The following NOS3 variants were observed in gnomAD, a reference collection of about 807,000 sequenced individuals.
The protein encoded by NOS3 is nitric oxide synthase 3, also known as NOS type III.
Under a neutral mutation model 144.9 loss-of-function variants are expected in NOS3, and 98 were observed. That is an observed-to-expected ratio of 0.68 (90% confidence interval 0.57 to 0.80). The LOEUF is 0.80. Among genes scored for constraint, NOS3 ranks in the 30% least tolerant of loss-of-function variants. The probability of loss-of-function intolerance (pLI) is 0.00; values close to 1 mark genes in which losing one functional copy is unlikely to be tolerated. For synonymous variants in NOS3, 714 were observed against 702.4 expected (o/e 1.02, Z -0.26); for missense variants, 1,465 against 1,656.4 (o/e 0.88, Z 2.01).
chr7:151,013,974 T>G, intron 26 of NOS3, 34 bp from the exon 27 acceptor site: 1 of 1,607,832 alleles, frequency 6.2e-7, no homozygotes. Flanking sequence ...GGTCTCCGAG[T>G]CGGGTTCTGA....
At position 151,010,258 on chromosome 7, in the gene NOS3, G is replaced by A. The variant is rs1795276026; in HGVS notation, c.2656G>A (p.Glu886Lys). The A allele has an allele frequency of 1.2e-6, 2 of 1,612,888 alleles. No individual in the cohort carries two copies. The highest frequency in any genetic ancestry group is 1.7e-6 in the Non-Finnish European group (2 of 1,179,914). ...LLSTLAEEPREQQELEALSQD... is the reference protein window; with the variant it reads ...LLSTLAEEPRKQQELEALSQD... The stretch of plus-strand genomic sequence containing the variant: ...CAGCACCTTGGCAGAAGAGCCCAGG[G>A]AACAGCAGGAGCTGGAGGCCCTCAG... The change falls in exon 21 of 27, where the codon GAA (glutamate) becomes AAA (lysine). Residue 886 changes from glutamate (E) to lysine (K), a missense_variant. This residue lies in a region of NOS3 where 745 missense variants were observed against 853.9 expected (regional missense o/e 0.87). Transcript: ENST00000297494.
At position 151,014,350 on chromosome 7, in the gene NOS3, G is replaced by A; in HGVS notation, c.*181G>A. Reference sequence around the variant, plus strand: ...CAAAACGCCTCTTTTCCCTCTCTAGGCCTGTTGCCTCGGGCCTGGGTCCGC... The same window carrying A: ...CAAAACGCCTCTTTTCCCTCTCTAGACCTGTTGCCTCGGGCCTGGGTCCGC... On this transcript the variant is annotated 3_prime_UTR_variant, in exon 27 of 27. Transcript: ENST00000297494. 1 of 682,726 alleles carries A rather than the reference G, an allele frequency of 1.5e-6. No homozygotes were observed. The highest frequency in any genetic ancestry group is 2.9e-5 in the East Asian group (1 of 34,930). The allele number at this position is 682,726 out of a possible 1,614,324, so 42.3% of individuals were successfully genotyped here.
At position 150,995,302 on chromosome 7, in the gene NOS3, C is replaced by G; in HGVS notation, c.258C>G (p.Ala86=). 2.5e-6 allele frequency: 4 copies of G among 1,610,344 alleles called. No individual in the cohort carries two copies. The highest frequency in any genetic ancestry group is 3.4e-6 in the Non-Finnish European group (4 of 1,178,162). The change falls in exon 3 of 27, where the codon GCC becomes GCG. Residue 86 remains alanine, a synonymous_variant. Coordinates refer to ENST00000297494, the MANE Select transcript of NOS3 (RefSeq NM_000603.5). ...GCATCACCTATGACACCCTCAGCGCCCAGGCGCAGCAGGTAAGGCCGGCAT... is the reference window on the plus strand; with the variant it reads ...GCATCACCTATGACACCCTCAGCGCGCAGGCGCAGCAGGTAAGGCCGGCAT... ...VGSITYDTLS[A]QAQQDGPCTP...
In NOS3 at chr7:151,002,255, T is replaced by C. The variant is rs1795122563; in HGVS notation, c.1703T>C (p.Leu568Pro). Residue 568 changes from leucine to proline, a missense_variant, in exon 14 of 27, where the codon CTG (leucine) becomes CCG (proline). Transcript: ENST00000297494. This position sits in a 1 kb window ranked among gnomAD's most constrained non-coding sequence, Gnocchi z 4.1. ...VVSLEHETLV[L>P]VVTSTFGNGD... ...TCCCTCGAACACGAGACGCTGGTGC[T>C]GGTGGTAACCAGCACATTTGGGAAT... The C allele has an allele frequency of 6.2e-7, 1 of 1,601,782 alleles. No individual in the cohort carries two copies. Among genetic ancestry groups the C allele is most frequent in the Non-Finnish European group, 8.5e-7 (1 of 1,174,278 alleles).
Position 151,010,029 on chromosome 7 carries a change from T to C in NOS3, c.2513-86T>C, listed in dbSNP as rs3730009. The C allele has an allele frequency of 0.016, 14,162 of 872,498 alleles. 1,333 individuals carry two copies. The African/African-American group carries it at 0.2, about 13-fold the overall frequency. The allele number at this position is 872,498 out of a possible 1,614,324, so 54.0% of individuals were successfully genotyped here. On this transcript the variant is annotated intron_variant, in intron 20 of 26. Transcript: ENST00000297494. ...CCCCGCTGCTCAAGGGCAGGCTCTC[T>C]AACAGTCACCAAAACACAAACATCA...
chr7:151,001,211 C>G lies in NOS3; in HGVS notation c.1234-20C>G. On this transcript the variant is annotated intron_variant, in intron 10 of 26. Transcript: ENST00000297494. The stretch of plus-strand genomic sequence containing the variant: ...TCTGTGGGTCTGGTTTGAGCCTCTC[C>G]CCCTCTCTCTCCCTTCCAGCTAGCC... 3 of 1,610,454 alleles carry G rather than the reference C, an allele frequency of 1.9e-6. No individual in the cohort carries two copies. Among genetic ancestry groups the G allele is most frequent in the Non-Finnish European group, 2.5e-6 (3 of 1,179,584 alleles).
At chr7:151,004,005 A>G (rs908553297) in intron 14 of NOS3, 11 of 275,760 alleles carry the variant, frequency 4.0e-5, no homozygotes, top group Admixed American at 5.1e-5. Flanking sequence ...GGTAGGTCAT[A>G]GGGTAGATGC....
rs542198075 is a variant in NOS3 at position 150,993,430 on chromosome 7, C to T, written c.-51-323C>T. Among the ~76,000 whole-genome samples, 5 of 152,186 alleles carry T rather than the reference C, an allele frequency of 3.3e-5. No individual in the cohort carries two copies. The highest frequency in any genetic ancestry group is 4.1e-4 in the South Asian group (2 of 4,836). On this transcript the variant is annotated intron_variant, in intron 1 of 26. Transcript: ENST00000297494. The surrounding 1 kb of genome is among the most constrained non-coding windows in gnomAD (Gnocchi z 4.0). ...ACAGGGGTGAGGCCGAAGGCCCTTC[C>T]GTCTGGTGCCACATCACAGAAGGAC... is the stretch of plus-strand genomic sequence containing the variant.
intron 10 of NOS3, 143 bp downstream of exon 10, chr7:151,000,742 C>T (rs1449956446): frequency 1.7e-5 from 11 of 646,628 alleles, no homozygotes; most frequent in Non-Finnish European, 2.2e-5. Context: ...AGTGCCATGG[C>T]GCACACTGGC....
chr7:150,992,021 C>T (rs558920960), intron 1 of NOS3, among the ~76,000 whole-genome samples: 10 of 151,348 alleles, frequency 6.6e-5, no homozygotes, highest in Non-Finnish European at 1.0e-4. Context: ...ATTAGCCAGG[C>T]GTGGTGGTGG....
rs1484339480 is a variant in NOS3, at chr7:151,003,663, T to A, written c.1752+1359T>A. 2.8e-6 allele frequency: 2 copies of A among 716,706 alleles called. No individual in the cohort carries two copies. Among genetic ancestry groups the A allele is most frequent in the African/African-American group, 3.7e-5 (2 of 54,258 alleles). 44.4% of individuals were successfully genotyped at this position (716,706 alleles called of 1,614,324 possible). On this transcript the variant is annotated intron_variant, in intron 14 of 26. Coordinates refer to ENST00000297494, the MANE Select transcript of NOS3 (RefSeq NM_000603.5). The surrounding 1 kb of genome is among the most constrained non-coding windows in gnomAD (Gnocchi z 4.1). ...CACGTGAATCCCTTCCCAGTCTGTC[T>A]CCCTGCCAGAAGTGTCTGTCACCAC...
intron 5 of NOS3, 49 bp downstream of exon 5, chr7:150,996,974 CG>C: frequency 6.6e-7 from 1 of 1,518,950 alleles, no homozygotes; most frequent in Non-Finnish European, 8.8e-7. Context: ...AAAAGGGGAG[CG>C]GGGTGGCGGG....
chr7:150,994,422 GGA>G (rs1802322205), intron 2 of NOS3, among the ~76,000 whole-genome samples: 1 of 152,322 alleles, frequency 6.6e-6, no homozygotes, highest in African/African-American at 2.4e-5. Context: ...CCCAGAAGAG[GGA>G]GAGAGTTGGG....
In NOS3 at chr7:151,002,029, T is replaced by C; in HGVS notation, c.1647+64T>C. The C allele has an allele frequency of 6.3e-7, 1 of 1,581,658 alleles. No individual in the cohort carries two copies. The highest frequency in any genetic ancestry group is 8.7e-7 in the Non-Finnish European group (1 of 1,155,512). ...GGGGCTCTATCAGCATCTTCAGGGG[T>C]GCCCTGGAGGACAGGAAGTGTTACA... is the stretch of plus-strand genomic sequence containing the variant. On this transcript the variant is annotated intron_variant, in intron 13 of 26. Coordinates refer to ENST00000297494, the MANE Select transcript of NOS3 (RefSeq NM_000603.5). This position sits in a 1 kb window ranked among gnomAD's most constrained non-coding sequence, Gnocchi z 4.1.
rs1479999407 is a variant in NOS3, at chr7:150,993,132, TG to T, written c.-51-616del. The stretch of plus-strand genomic sequence containing the variant: ...GTCCCCCACTTGAGTCATGGGGGTG[TG>T]GGGGTTCCAGGAAATTGGGGCTGGG... On this transcript the variant is annotated intron_variant, in intron 1 of 26. Coordinates refer to ENST00000297494, the MANE Select transcript of NOS3 (RefSeq NM_000603.5). This position sits in a 1 kb window ranked among gnomAD's most constrained non-coding sequence, Gnocchi z 4.0. Among the ~76,000 whole-genome samples, 3 of 152,084 alleles carry T rather than the reference TG, an allele frequency of 2.0e-5. No homozygotes were observed. Among genetic ancestry groups the T allele is most frequent in the East Asian group, 1.9e-4 (1 of 5,180 alleles).
At chr7:151,012,227 T>G (rs866840487) in intron 23 of NOS3, 124 bp from the exon 24 acceptor site, 20 of 902,370 alleles carry the variant, frequency 2.2e-5, no homozygotes, top group Non-Finnish European at 2.8e-5. Flanking sequence ...TGTTTTTTGT[T>G]TTTTTTTTAA....
Position 151,009,074 on chromosome 7 carries a change from C to A in NOS3, c.2245+12C>A. ...GCAGTTGCTGCCAGGTGGGCCCTGCCCTCACCCTAACCCGGCTGGTTCTCT... is the reference window on the plus strand; with the variant it reads ...GCAGTTGCTGCCAGGTGGGCCCTGCACTCACCCTAACCCGGCTGGTTCTCT... On this transcript the variant is annotated intron_variant, in intron 18 of 26. Coordinates refer to ENST00000297494, the MANE Select transcript of NOS3 (RefSeq NM_000603.5). 7 of 1,613,086 alleles carry A rather than the reference C, an allele frequency of 4.3e-6. No individual in the cohort carries two copies. The highest frequency in any genetic ancestry group is 5.9e-6 in the Non-Finnish European group (7 of 1,179,660).
rs886386477 is a variant in NOS3 at position 150,993,456 on chromosome 7, C to A, written c.-51-297C>A. ...GTCTGGTGCCACATCACAGAAGGAC[C>A]TTTATGACCCCCTGGTGGCTCTACC... On this transcript the variant is annotated intron_variant, in intron 1 of 26. Transcript: ENST00000297494. The surrounding 1 kb of genome is among the most constrained non-coding windows in gnomAD (Gnocchi z 4.0). Among the ~76,000 whole-genome samples the A allele has an allele frequency of 6.6e-6, 1 of 152,168 alleles. No individual in the cohort carries two copies. The highest frequency in any genetic ancestry group is 6.5e-5 in the Admixed American group (1 of 15,288).
chr7:151,007,723 C>T (rs868099740), intron 17 of NOS3, among the ~76,000 whole-genome samples: 1 of 152,262 alleles, frequency 6.6e-6, no homozygotes, highest in African/African-American at 2.4e-5. Flanking sequence ...CAGCCTGGGG[C>T]GGTGCCTGCA....
Sources: gnomAD v4.1 joint callset for allele counts (sites outside exome capture counted in the v4.1 genomes callset) on GRCh38, gnomAD v4.1.1 for gene constraint, gnomAD v4.1.1 regional missense constraint, Gnocchi (gnomAD v3.1) non-coding constraint, MANE v1.5 for transcripts, NCBI Gene and HGNC (gene_info 2026-07-23, HGNC 2026-07-21) for gene names.